Variants in IQSEC1 observed in about 807,000 individuals in gnomAD.
IQSEC1 encodes the protein IQ motif and SEC7 domain-containing protein 1.
In IQSEC1, 31 loss-of-function variants were observed where a neutral mutation model predicts 91.0. That is an observed-to-expected ratio of 0.34 (90% CI 0.26 to 0.46). The LOEUF (loss-of-function observed/expected upper bound fraction) is 0.46. Among genes scored for constraint, IQSEC1 ranks in the 20% least tolerant of loss-of-function variants. The pLI is 1.00. For synonymous variants in IQSEC1, 699 were observed against 662.6 expected, an observed-to-expected ratio of 1.05 and a Z score of -0.84; for missense variants, 1,388 against 1,575.6, an observed-to-expected ratio of 0.88 and a Z score of 2.02.
At chr3:13,108,862 C>T (rs1230706866) in intron 2 of IQSEC1, among the ~76,000 whole-genome samples, 1 of 152,256 alleles carries the variant, frequency 6.6e-6, no homozygotes, top group Admixed American at 6.5e-5. Context: ...CACAGCCCCT[C>T]TGCTGGAGAT....
chr3:13,282,850 G>A lies in IQSEC1; in HGVS notation c.133C>T (p.Arg45Trp), dbSNP rs1002407637. 4.7e-5 allele frequency among the ~76,000 whole-genome samples: 7 copies of A among 147,794 alleles called. No homozygotes were observed. The highest frequency in any genetic ancestry group is 1.1e-4 in the Non-Finnish European group (7 of 66,324). Residue 45 changes from arginine (R) to tryptophan (W), a missense_variant, in exon 1 of 16, where the codon CGG (arginine) becomes TGG (tryptophan). Transcript: ENST00000648114. The surrounding 1 kb of genome is among the most constrained non-coding windows in gnomAD (Gnocchi z 6.4). The stretch of plus-strand genomic sequence containing the variant: ...AGGCCGGCGTTCTCCCGGCTCAGCC[G>A]CGCCACTTGGCGCTCCAGCTCCTCG...
intron 3 of IQSEC1, among the ~76,000 whole-genome samples, chr3:12,928,112 C>T (rs1049849446): frequency 6.6e-6 from 1 of 151,916 alleles, no homozygotes; most frequent in African/African-American, 2.4e-5. Flanking sequence ...CAGCTGGCAG[C>T]TGAGTGAGGG....
chr3:12,999,554 G>A (rs1467926470), intron 1 of IQSEC1, among the ~76,000 whole-genome samples: 2 of 152,182 alleles, frequency 1.3e-5, no homozygotes, highest in Admixed American at 6.5e-5. Flanking sequence ...GGGCGCCCAC[G>A]TGGGGCGGGG....
In IQSEC1 at chr3:12,967,744, C is replaced by A. The variant is rs376879392; in HGVS notation, c.24-25879G>T. 870 of 1,025,528 alleles carry A rather than the reference C, an allele frequency of 8.5e-4. 16 individuals carry two copies. The East Asian group carries it at 0.044, about 51-fold the overall frequency. 63.5% of individuals were successfully genotyped at this position (1,025,528 alleles called of 1,614,324 possible). On this transcript the variant is annotated intron_variant, in intron 1 of 13. Coordinates refer to ENST00000613206, the MANE Select transcript of IQSEC1 (RefSeq NM_001134382.3). This position sits in a 1 kb window ranked among gnomAD's most constrained non-coding sequence, Gnocchi z 5.9. ...TGGCCCTGAAGTGGGCGGGGCAGGG[C>A]GGGGGCGGGGCCGGAGGGCGAGCTG... is the stretch of plus-strand genomic sequence containing the variant.
At chr3:13,239,937 T>A (rs1429972829) in intron 1 of IQSEC1, among the ~76,000 whole-genome samples, 5 of 152,090 alleles carry the variant, frequency 3.3e-5, no homozygotes, top group Non-Finnish European at 7.4e-5. Flanking sequence ...AGGAAGGAGT[T>A]CTGAAACAGA....
chr3:12,930,748 C>A (rs141881236), intron 3 of IQSEC1, among the ~76,000 whole-genome samples: 3 of 152,192 alleles, frequency 2.0e-5, no homozygotes, highest in Non-Finnish European at 4.4e-5. Flanking sequence ...GTTCCTGTCA[C>A]ATGCAACAGA....
rs188206182 is a variant in IQSEC1 at position 12,945,014 on chromosome 3, G to C, written c.24-3149C>G. 4.0e-3 allele frequency among the ~76,000 whole-genome samples: 613 copies of C among 152,366 alleles called. 5 individuals carry two copies. Among genetic ancestry groups the C allele is most frequent in the Non-Finnish European group, 5.1e-3 (345 of 68,046 alleles). On this transcript the variant is annotated intron_variant, in intron 1 of 13. Coordinates refer to ENST00000613206, the MANE Select transcript of IQSEC1 (RefSeq NM_001134382.3). The stretch of plus-strand genomic sequence containing the variant: ...GCAGGGCATCCTTCCCTGATGGTTG[G>C]GGGTGAGTGAGGGCCCAGGCCTGCC...
chr3:13,263,312 A>T (rs1440580302), intron 1 of IQSEC1, among the ~76,000 whole-genome samples: 1 of 151,690 alleles, frequency 6.6e-6, no homozygotes, highest in Non-Finnish European at 1.5e-5. Flanking sequence ...ATTAAACTAC[A>T]CACTTAAAAA....
chr3:13,022,514 A>G (rs942319565), intron 1 of IQSEC1: 18 of 966,244 alleles, frequency 1.9e-5, no homozygotes, highest in Non-Finnish European at 2.1e-5. Context: ...CGGTGAGGAA[A>G]AGCTCAGCTG....
intron 1 of IQSEC1, among the ~76,000 whole-genome samples, chr3:12,975,535 A>C (rs1293233343): frequency 6.6e-6 from 1 of 152,228 alleles, no homozygotes; most frequent in African/African-American, 2.4e-5. Context: ...AAGGCCACAC[A>C]GCTAGTGCCT....
At position 12,938,045 on chromosome 3, in the gene IQSEC1, T is replaced by C. The variant is rs138086457; in HGVS notation, c.319-1348A>G. Among the ~76,000 whole-genome samples the C allele has an allele frequency of 4.5e-3, 686 of 152,330 alleles. 1 individual carries two copies. The highest frequency in any genetic ancestry group is 7.4e-3 in the Non-Finnish European group (502 of 68,018). On this transcript the variant is annotated intron_variant, in intron 2 of 13. Transcript: ENST00000613206. ...AAGGACGGTCCTGAGGGCCACTCCC[T>C]GCACCTTGCTCCTGAGTGGACAATG...
chr3:12,911,639 G>T lies in IQSEC1; in HGVS notation c.2406C>A (p.Phe802Leu). Residue 802 changes from phenylalanine to leucine, a missense_variant, in exon 10 of 14, where the codon TTC becomes TTA. By Grantham distance (22) the Phe-to-Leu change is conservative. This residue lies in a region of IQSEC1 where 1,059 missense variants were observed against 1,317.8 expected (regional missense o/e 0.80). Coordinates refer to ENST00000613206, the MANE Select transcript of IQSEC1 (RefSeq NM_001134382.3). ...FSLYGMQVLLFENQYYPNGIR... is the reference protein window; with the variant it reads ...FSLYGMQVLLLENQYYPNGIR... ...TGGGGGCAGACTTACACTGGTTCTC[G>T]AAGAGCAGGACCTGCATGCCGTACA... 1 of 1,612,658 alleles carries T rather than the reference G, an allele frequency of 6.2e-7. No homozygotes were observed.
In IQSEC1 at chr3:12,967,981, T is replaced by C. The variant is rs1367198051; in HGVS notation, c.24-26116A>G. ...CGGGGTGCAGAGCGCAAGGGCGGAG[T>C]CCCAGACACTGCATCCAGGTCCCAG... On this transcript the variant is annotated intron_variant, in intron 1 of 13. Coordinates refer to ENST00000613206, the MANE Select transcript of IQSEC1 (RefSeq NM_001134382.3). The surrounding 1 kb of genome is among the most constrained non-coding windows in gnomAD (Gnocchi z 5.9). 6.6e-6 allele frequency among the ~76,000 whole-genome samples: 1 copy of C among 151,460 alleles called. No individual in the cohort carries two copies. The highest frequency in any genetic ancestry group is 1.5e-5 in the Non-Finnish European group (1 of 67,864).
At chr3:13,112,587 GC>G (rs10715252) in intron 2 of IQSEC1, among the ~76,000 whole-genome samples, 11,992 of 150,682 alleles carry the variant, frequency 0.08, 1,100 homozygotes, top group East Asian at 0.22. Context: ...CTGCGTGCTG[GC>G]CCCCAGGCAC....
At chr3:12,914,057 C>G (rs113689941) in intron 8 of IQSEC1, among the ~76,000 whole-genome samples, 28 of 152,312 alleles carry the variant, frequency 1.8e-4, no homozygotes, top group African/African-American at 4.8e-4. Context: ...CAATTCCAGG[C>G]CCCAGGACTT....
chr3:12,959,998 CCTGCGACCG>C (rs1227289481), intron 1 of IQSEC1, among the ~76,000 whole-genome samples: 4 of 152,158 alleles, frequency 2.6e-5, no homozygotes, highest in Admixed American at 6.5e-5. Flanking sequence ...AATTCACGTT[CCTGCGACCG>C]CACCTCCCCC....
At chr3:13,085,315 G>A (rs1194944177) in intron 2 of IQSEC1, among the ~76,000 whole-genome samples, 6 of 152,184 alleles carry the variant, frequency 3.9e-5, no homozygotes, top group Middle Eastern at 3.4e-3. Flanking sequence ...AGCTCTGGTC[G>A]GGGCAAGCAC....
In IQSEC1 at chr3:13,047,484, C is replaced by T. The variant is rs754641878; in HGVS notation, c.23+25508G>A. On this transcript the variant is annotated intron_variant, in intron 1 of 13. Transcript: ENST00000613206. ...GTGGACGGCAAGACAGTACCTGTAG[C>T]GGTCAGTGGAGAGGCTGCTTCCGGT... 82 of 985,204 alleles carry T rather than the reference C, an allele frequency of 8.3e-5. No individual in the cohort carries two copies. Among genetic ancestry groups the T allele is most frequent in the Non-Finnish European group, 9.0e-5 (75 of 829,868 alleles). The allele number at this position is 985,204 out of a possible 1,614,324, so 61.0% of individuals were successfully genotyped here.
chr3:13,084,337 C>A (rs904056596), intron 2 of IQSEC1, among the ~76,000 whole-genome samples: 1 of 152,188 alleles, frequency 6.6e-6, no homozygotes, highest in Admixed American at 6.5e-5. Flanking sequence ...CCACATCCCC[C>A]CTGACATACT....
Sources: allele counts gnomAD v4.1 joint callset (sites outside exome capture counted in the v4.1 genomes callset), GRCh38; gene constraint gnomAD v4.1.1; regional missense constraint gnomAD v4.1.1; non-coding constraint Gnocchi (gnomAD v3.1); transcripts MANE v1.5; gene names NCBI Gene and HGNC (gene_info 2026-07-23, HGNC 2026-07-21).